The following DNAI7 variants were observed in gnomAD, a reference collection of about 807,000 sequenced individuals.
DNAI7 encodes the protein cancer susceptibility 1.
In DNAI7, 78 loss-of-function variants were observed where a neutral mutation model predicts 86.6. That is an observed-to-expected ratio of 0.90 (90% CI 0.75 to 1.09). The LOEUF (loss-of-function observed/expected upper bound fraction) is 1.09, where lower values mean the gene tolerates loss of function less well. DNAI7 is among the 50% of genes least tolerant of loss of function. The pLI is 0.00. For synonymous variants in DNAI7, 274 were observed against 273.0 expected (o/e 1.00, Z -0.04); for missense variants, 753 against 810.2 (o/e 0.93, Z 0.86).
intron 2 of DNAI7, among the ~76,000 whole-genome samples, chr12:25,172,082 C>G (rs1948206601): frequency 1.3e-5 from 2 of 152,156 alleles, no homozygotes; most frequent in African/African-American, 4.8e-5. Flanking sequence ...CTCACCACTC[C>G]TCTTCAACAT....
chr12:25,126,336 G>A (rs1942130709), intron 9 of DNAI7, among the ~76,000 whole-genome samples: 1 of 152,118 alleles, frequency 6.6e-6, no homozygotes, highest in Admixed American at 6.5e-5. Flanking sequence ...GCCTTCAGTA[G>A]GAACCTAATG....
rs779034507 is a variant in DNAI7 at position 25,144,582 on chromosome 12, T to C, written c.785A>G (p.His262Arg). 6.2e-7 allele frequency: 1 copy of C among 1,614,084 alleles called. No individual in the cohort carries two copies. The highest frequency in any genetic ancestry group is 8.5e-7 in the Non-Finnish European group (1 of 1,179,960). The change falls in exon 9 of 16, where the codon CAC (histidine) becomes CGC (arginine). Residue 262 changes from histidine (H) to arginine (R), a missense_variant. Physicochemically the swap from His to Arg is conservative, Grantham distance 29. Transcript: ENST00000395987. ...SDIAVRLLHTHYDHVSALHPV... is the reference protein window; with the variant it reads ...SDIAVRLLHTRYDHVSALHPV... ...GTGCAGTGCAGAAACATGATCATAG[T>C]GGGTATGCAGGAGTCGTACAGCAAT...
intron 2 of DNAI7, among the ~76,000 whole-genome samples, chr12:25,175,633 C>T (rs561089344): frequency 6.8e-6 from 1 of 148,002 alleles, no homozygotes; most frequent in South Asian, 2.2e-4. Context: ...CAGGCATGAG[C>T]CACTGCGCCC....
Position 25,174,582 on chromosome 12 carries a change from C to G in DNAI7, c.22-13385G>C, listed in dbSNP as rs374353422. ...TATATCATATATATGGGATATATAT[C>G]ATATATATGGGATATATATATGATA... On this transcript the variant is annotated intron_variant, in intron 2 of 15. Transcript: ENST00000395987. Among the ~76,000 whole-genome samples, 19 of 54,854 alleles carry G rather than the reference C, an allele frequency of 3.5e-4. 1 individual carries two copies. The highest frequency in any genetic ancestry group is 1.3e-3 in the East Asian group (3 of 2,340). The allele number at this position is 54,854 out of a possible 152,430, so 36.0% of individuals were successfully genotyped here.
intron 9 of DNAI7, among the ~76,000 whole-genome samples, chr12:25,139,472 G>A (rs1465433250): frequency 6.6e-6 from 1 of 152,102 alleles, no homozygotes; most frequent in Non-Finnish European, 1.5e-5. Context: ...CAAAATATTA[G>A]CTAACCGAAT....
At chr12:25,116,930 T>G (rs991064601) in intron 12 of DNAI7, among the ~76,000 whole-genome samples, 1 of 152,176 alleles carries the variant, frequency 6.6e-6, no homozygotes. Flanking sequence ...TTACTAGGTT[T>G]TTTAACTTAT....
intron 2 of DNAI7, among the ~76,000 whole-genome samples, chr12:25,173,238 A>C (rs1948331649): frequency 6.6e-6 from 1 of 152,214 alleles, no homozygotes; most frequent in Non-Finnish European, 1.5e-5. Flanking sequence ...CAACGAACTC[A>C]AGCACATCAG....
intron 9 of DNAI7, 23 bp from the exon 10 acceptor site, chr12:25,123,309 G>A: frequency 1.3e-6 from 2 of 1,518,062 alleles, no homozygotes; most frequent in South Asian, 2.4e-5. Flanking sequence ...ACAGACATAT[G>A]GGTGTGATTG....
intron 2 of DNAI7, among the ~76,000 whole-genome samples, chr12:25,164,989 G>A (rs1393274003): frequency 6.6e-6 from 1 of 152,134 alleles, no homozygotes; most frequent in East Asian, 1.9e-4. Flanking sequence ...GCATAGTCAA[G>A]GTTAATGCTC....
chr12:25,194,928 G>C, intron 1 of DNAI7, 148 bp downstream of exon 1: 2 of 1,614,152 alleles, frequency 1.2e-6, no homozygotes, highest in Non-Finnish European at 1.7e-6. Flanking sequence ...GCTGAGAAGA[G>C]GGCCGACCCA....
chr12:25,175,053 A>G (rs1233368383), intron 2 of DNAI7, among the ~76,000 whole-genome samples: 1 of 152,068 alleles, frequency 6.6e-6, no homozygotes, highest in East Asian at 1.9e-4. Flanking sequence ...CTCACAAATC[A>G]CCACTAAAGA....
chr12:25,116,448 A>G (rs1940119573), intron 12 of DNAI7, among the ~76,000 whole-genome samples: 1 of 152,188 alleles, frequency 6.6e-6, no homozygotes, highest in South Asian at 2.1e-4. Flanking sequence ...TTGTAGAGTG[A>G]AATTATTCCC....
chr12:25,192,014 C>G (rs1950569154), intron 1 of DNAI7, among the ~76,000 whole-genome samples: 1 of 152,160 alleles, frequency 6.6e-6, no homozygotes, highest in Non-Finnish European at 1.5e-5. Context: ...AAGTTTAACA[C>G]ATATCAGTAG....
At chr12:25,112,249 TA>T (rs1386412694) in intron 13 of DNAI7, among the ~76,000 whole-genome samples, 1 of 152,158 alleles carries the variant, frequency 6.6e-6, no homozygotes, top group East Asian at 1.9e-4. Flanking sequence ...CACACTGAAT[TA>T]AAATAGTTAT....
intron 9 of DNAI7, 53 bp from the exon 10 acceptor site, chr12:25,123,339 G>T: frequency 8.2e-7 from 1 of 1,223,940 alleles, no homozygotes; most frequent in Non-Finnish European, 1.1e-6. Context: ...ACATAGTACA[G>T]TCATTGTCTT....
At chr12:25,138,320 G>A (rs1943789308) in intron 9 of DNAI7, among the ~76,000 whole-genome samples, 2 of 152,080 alleles carry the variant, frequency 1.3e-5, no homozygotes, top group South Asian at 2.1e-4. Context: ...AAAAATAGCT[G>A]GGCATGGTGG....
rs529365226 is a variant in DNAI7, at chr12:25,125,150, G to T, written c.1003-1864C>A. On this transcript the variant is annotated intron_variant, in intron 9 of 15. Transcript: ENST00000395987. ...GTATATACCCAGTAATGGGATTGCT[G>T]GGTGAAATGGTAATTCTGCTTTTAG... Among the ~76,000 whole-genome samples the T allele has an allele frequency of 4.6e-5, 7 of 152,272 alleles. No individual in the cohort carries two copies. The East Asian group carries it at 1.4e-3, about 29-fold the overall frequency.
chr12:25,118,153 G>C (rs998262473), intron 12 of DNAI7, among the ~76,000 whole-genome samples: 1 of 151,724 alleles, frequency 6.6e-6, no homozygotes, highest in Non-Finnish European at 1.5e-5. Context: ...AGGCTCTCTC[G>C]AACTCCTGAC....
intron 2 of DNAI7, among the ~76,000 whole-genome samples, chr12:25,161,439 G>A (rs1400312054): frequency 2.0e-5 from 3 of 152,182 alleles, no homozygotes; most frequent in African/African-American, 4.8e-5. Context: ...ACAGTGGCAA[G>A]TACATGCAAT....
Sources: allele counts gnomAD v4.1 joint callset (sites outside exome capture counted in the v4.1 genomes callset), GRCh38; gene constraint gnomAD v4.1.1; transcripts MANE v1.5; gene names NCBI Gene and HGNC (gene_info 2026-07-23, HGNC 2026-07-21).